Variants in SIK2 observed in about 807,000 individuals in gnomAD.
SIK2 encodes the protein serine/threonine-protein kinase SIK2.
SIK2 carries 29 observed loss-of-function variants against 103.2 expected under a neutral mutation model. That is an observed-to-expected ratio of 0.28 (90% confidence interval 0.21 to 0.38). SIK2 has a LOEUF of 0.38. Among genes scored for constraint, SIK2 ranks in the 10% least tolerant of loss-of-function variants. SIK2 has a pLI of 1.00. For missense variants in SIK2, 879 were observed against 1,171.0 expected (o/e 0.75, Z 3.64); for synonymous variants, 412 against 446.1 (o/e 0.92, Z 0.96).
chr11:111,642,710 G>T (rs1223101109), intron 3 of SIK2, among the ~76,000 whole-genome samples: 1 of 152,046 alleles, frequency 6.6e-6, no homozygotes, highest in African/African-American at 2.4e-5. Flanking sequence ...GGAACTGAAG[G>T]TACCAACCCG....
intron 3 of SIK2, among the ~76,000 whole-genome samples, chr11:111,679,077 A>G (rs1942744870): frequency 2.0e-5 from 3 of 152,230 alleles, no homozygotes; most frequent in Admixed American, 6.5e-5. Context: ...AAAGAAATCT[A>G]GAAATGTATT....
chr11:111,669,620 A>G, intron 3 of SIK2, among the ~76,000 whole-genome samples: 1 of 151,440 alleles, frequency 6.6e-6, no homozygotes, highest in Non-Finnish European at 1.5e-5. Context: ...AAAGAAAGAA[A>G]AGTTTTCCCA....
At chr11:111,624,017 A>T (rs565649160) in intron 3 of SIK2, among the ~76,000 whole-genome samples, 61 of 152,278 alleles carry the variant, frequency 4.0e-4, no homozygotes, top group African/African-American at 1.3e-3. Context: ...CCTTTGCCTG[A>T]TGTCCAGTGT....
intron 3 of SIK2, among the ~76,000 whole-genome samples, chr11:111,667,738 C>T (rs1327485122): frequency 6.6e-6 from 1 of 151,990 alleles, no homozygotes; most frequent in African/African-American, 2.4e-5. Context: ...AGTGATCTGC[C>T]CATCTTGGCC....
rs1209397224 is a variant in SIK2, at chr11:111,690,962, T to A, written c.478+2800T>A. ...AGGAGTTTTTTTAGGCAGAGAAAGG[T>A]TATAGGTGTGTAAATCATATGCTGT... On this transcript the variant is annotated intron_variant, in intron 4 of 14. Coordinates refer to ENST00000304987, the MANE Select transcript of SIK2 (RefSeq NM_015191.3). Among the ~76,000 whole-genome samples the A allele has an allele frequency of 2.0e-5, 3 of 152,090 alleles. No individual in the cohort carries two copies. The East Asian group carries it at 5.8e-4, about 29-fold the overall frequency.
At chr11:111,681,563 A>G (rs1942778310) in intron 3 of SIK2, among the ~76,000 whole-genome samples, 1 of 152,230 alleles carries the variant, frequency 6.6e-6, no homozygotes, top group South Asian at 2.1e-4. Context: ...AAGAAAAAAG[A>G]AAGCTGGGAA....
At chr11:111,659,541 C>A (rs532060199) in intron 3 of SIK2, among the ~76,000 whole-genome samples, 326 of 152,354 alleles carry the variant, frequency 2.1e-3, no homozygotes, top group Middle Eastern at 3.4e-3. Flanking sequence ...TCTTGAGACA[C>A]ATCTGTCTAT....
intron 3 of SIK2, among the ~76,000 whole-genome samples, chr11:111,640,808 C>T (rs1942172855): frequency 7.3e-6 from 1 of 136,536 alleles, no homozygotes; most frequent in African/African-American, 2.7e-5. Flanking sequence ...GATCTCAGCT[C>T]ACTGCAAGCT....
intron 1 of SIK2, among the ~76,000 whole-genome samples, chr11:111,612,491 TGGACTGTTTCTA>T (rs1941740117): frequency 6.6e-6 from 1 of 152,180 alleles, no homozygotes; most frequent in Non-Finnish European, 1.5e-5. Context: ...GGCCTACAGC[TGGACTGTTTCTA>T]TGCCACCCTT....
chr11:111,717,141 C>G (rs1366619943), intron 9 of SIK2, among the ~76,000 whole-genome samples: 2 of 151,666 alleles, frequency 1.3e-5, no homozygotes, highest in Non-Finnish European at 2.9e-5. Flanking sequence ...GGTGAAACCC[C>G]ATCTCTACTA....
At position 111,727,456 on chromosome 11, in the gene SIK2, C is replaced by G. The variant is rs977309917; in HGVS notation, c.*3327C>G. 1 of 204,798 alleles carries G rather than the reference C, an allele frequency of 4.9e-6. No homozygotes were observed. Among genetic ancestry groups the G allele is most frequent in the Non-Finnish European group, 1.0e-5 (1 of 100,358 alleles). The allele number at this position is 204,798 out of a possible 1,614,324, so 12.7% of individuals were successfully genotyped here. A position where few individuals can be genotyped will look rare whatever the true frequency, so the allele number is the denominator to read the frequency against. ...GCCCAAGACTGAAGCCAGCCCTTGCCTCTTGTGTCCCTTCCCAACTCTGGT... is the reference window on the plus strand; with the variant it reads ...GCCCAAGACTGAAGCCAGCCCTTGCGTCTTGTGTCCCTTCCCAACTCTGGT... On this transcript the variant is annotated 3_prime_UTR_variant, in exon 15 of 15. Transcript: ENST00000304987.
At chr11:111,680,197 A>C (rs1417479081) in intron 3 of SIK2, among the ~76,000 whole-genome samples, 1 of 152,140 alleles carries the variant, frequency 6.6e-6, no homozygotes, top group African/African-American at 2.4e-5. Context: ...TTAGAGGAAA[A>C]GATGAGTATA....
chr11:111,641,323 T>C (rs1227009830), intron 3 of SIK2, among the ~76,000 whole-genome samples: 1 of 152,178 alleles, frequency 6.6e-6, no homozygotes, highest in East Asian at 1.9e-4. Flanking sequence ...ACTTACTGAC[T>C]TGTTGAAAAG....
rs978679671 is a variant in SIK2 at position 111,729,353 on chromosome 11, G to T, written c.*5224G>T. ...TGGGTTCTGCCCAGATACTCTGCTC[G>T]CCCACCCACAAGGGAGCAATAGCTT... is the stretch of plus-strand genomic sequence containing the variant. On this transcript the variant is annotated 3_prime_UTR_variant, in exon 15 of 15. Coordinates refer to ENST00000304987, the MANE Select transcript of SIK2 (RefSeq NM_015191.3). 6.6e-6 allele frequency: 1 copy of T among 152,184 alleles called. No homozygotes were observed. The highest frequency in any genetic ancestry group is 6.5e-5 in the Admixed American group (1 of 15,274). The allele number at this position is 152,184 out of a possible 1,614,324, so 9.4% of individuals were successfully genotyped here.
Position 111,726,880 on chromosome 11 carries a change from G to T in SIK2, c.*2751G>T. 1 of 1,249,526 alleles carries T rather than the reference G, an allele frequency of 8.0e-7. No individual in the cohort carries two copies. The highest frequency in any genetic ancestry group is 1.5e-5 in the African/African-American group (1 of 67,840). 77.4% of individuals were successfully genotyped at this position (1,249,526 alleles called of 1,614,324 possible). Reference sequence around the variant, plus strand: ...TCCTCTGAAGAGACTTTGGTGAGATGAACGTGAGGTAAAAATTTCGTTCGG... The same window carrying T: ...TCCTCTGAAGAGACTTTGGTGAGATTAACGTGAGGTAAAAATTTCGTTCGG... On this transcript the variant is annotated 3_prime_UTR_variant, in exon 15 of 15. Transcript: ENST00000304987.
At chr11:111,610,002 A>C (rs1358041871) in intron 1 of SIK2, among the ~76,000 whole-genome samples, 1 of 152,218 alleles carries the variant, frequency 6.6e-6, no homozygotes, top group African/African-American at 2.4e-5. Flanking sequence ...CAAGAAACAC[A>C]TGTTAATCCC....
rs1335026684 is a variant in SIK2 at position 111,722,620 on chromosome 11, G to A, written c.2056-45G>A. On this transcript the variant is annotated intron_variant, in intron 13 of 14. Transcript: ENST00000304987. The surrounding 1 kb of genome is among the most constrained non-coding windows in gnomAD (Gnocchi z 4.4). The stretch of plus-strand genomic sequence containing the variant: ...AGCACATCTGATGACTGCATCCTAG[G>A]TGACAGCACATTGTCACGCTCATGT... The A allele has an allele frequency of 1.0e-5, 16 of 1,574,726 alleles. No individual in the cohort carries two copies. Among genetic ancestry groups the A allele is most frequent in the Non-Finnish European group, 4.4e-6 (5 of 1,148,556 alleles).
chr11:111,671,579 T>G (rs928375516), intron 3 of SIK2: 16 of 329,914 alleles, frequency 4.8e-5, no homozygotes, highest in African/African-American at 2.6e-4. Context: ...TGATTGGAGA[T>G]GTCCTCATAC....
chr11:111,657,614 C>T (rs1176127078), intron 3 of SIK2, among the ~76,000 whole-genome samples: 1 of 152,128 alleles, frequency 6.6e-6, no homozygotes, highest in Non-Finnish European at 1.5e-5. Context: ...GCCTCGAGGT[C>T]CTGGCCTCAA....
Sources: allele counts gnomAD v4.1 joint callset (sites outside exome capture counted in the v4.1 genomes callset), GRCh38; gene constraint gnomAD v4.1.1; non-coding constraint Gnocchi (gnomAD v3.1); transcripts MANE v1.5; gene names NCBI Gene and HGNC (gene_info 2026-07-23, HGNC 2026-07-21).